Variants in DGKH observed in about 807,000 individuals in gnomAD.
DGKH encodes the protein DAG kinase eta.
DGKH carries 90 observed loss-of-function variants against 159.3 expected under a neutral mutation model. That is an observed-to-expected ratio of 0.57 (90% CI 0.48 to 0.67). The LOEUF (loss-of-function observed/expected upper bound fraction) is 0.67, where lower values mean the gene tolerates loss of function less well. DGKH is among the 30% of genes least tolerant of loss of function. The probability of loss-of-function intolerance (pLI) is 0.00; values close to 1 mark genes in which losing one functional copy is unlikely to be tolerated. For synonymous variants in DGKH, 536 were observed against 553.8 expected, an observed-to-expected ratio of 0.97 and a Z score of 0.45; for missense variants, 1,181 against 1,506.1, an observed-to-expected ratio of 0.78 and a Z score of 3.57.
intron 13 of DGKH, among the ~76,000 whole-genome samples, chr13:42,185,999 G>A (rs1266295940): frequency 2.3e-5 from 2 of 85,528 alleles, no homozygotes; most frequent in Non-Finnish European, 5.2e-5. Flanking sequence ...GGGAGGAGTG[G>A]TGGTGGTGGT....
intron 3 of DGKH, among the ~76,000 whole-genome samples, chr13:42,149,491 A>G (rs144474970): frequency 1.1e-4 from 16 of 152,302 alleles, no homozygotes; most frequent in African/African-American, 3.8e-4. Context: ...TGGGTATTTC[A>G]TTTCTGTTTC....
chr13:42,244,451 G>A (rs149423345), downstream of DGKH, among the ~76,000 whole-genome samples: 1 of 152,296 alleles, frequency 6.6e-6, no homozygotes, highest in African/African-American at 2.4e-5. Flanking sequence ...AAACAGAAAG[G>A]GCAAGTCCTC....
At chr13:42,171,082 A>G (rs190352853) in intron 11 of DGKH, among the ~76,000 whole-genome samples, 69 of 152,320 alleles carry the variant, frequency 4.5e-4, no homozygotes, top group African/African-American at 1.5e-3. Context: ...CAAAGATGAA[A>G]ATGTAGTTTT....
intron 1 of DGKH, among the ~76,000 whole-genome samples, chr13:42,082,279 G>A (rs1354790534): frequency 1.3e-5 from 2 of 151,858 alleles, no homozygotes; most frequent in African/African-American, 4.8e-5. Context: ...TATTAAAGAA[G>A]GGAAAACATC....
chr13:42,173,946 T>C, intron 11 of DGKH, 114 bp from the exon 12 acceptor site: 1 of 595,288 alleles, frequency 1.7e-6, no homozygotes, highest in Admixed American at 3.1e-5. Context: ...CATGAATGTG[T>C]GTGTGTGTGT....
At chr13:42,126,790 G>A (rs1344164974) in intron 1 of DGKH, among the ~76,000 whole-genome samples, 1 of 152,054 alleles carries the variant, frequency 6.6e-6, no homozygotes, top group Non-Finnish European at 1.5e-5. Flanking sequence ...GACCCACCTT[G>A]GGCCCTTGTC....
intron 13 of DGKH, among the ~76,000 whole-genome samples, chr13:42,185,532 A>G (rs187471932): frequency 9.2e-5 from 14 of 152,214 alleles, no homozygotes; most frequent in Admixed American, 2.6e-4. Flanking sequence ...TAATGATATG[A>G]CATATGCAGT....
At chr13:42,073,929 G>A (rs983238176) in intron 1 of DGKH, among the ~76,000 whole-genome samples, 10 of 152,250 alleles carry the variant, frequency 6.6e-5, no homozygotes, top group African/African-American at 2.4e-4. Flanking sequence ...CTGCACAATG[G>A]CTTTGGCATT....
At chr13:42,161,204 A>T (rs929413183) in intron 7 of DGKH, among the ~76,000 whole-genome samples, 7 of 152,222 alleles carry the variant, frequency 4.6e-5, no homozygotes, top group Non-Finnish European at 8.8e-5. Context: ...CTACCCATAA[A>T]CAAGATTTTA....
intron 1 of DGKH, among the ~76,000 whole-genome samples, chr13:42,104,278 C>A (rs1047665784): frequency 6.6e-6 from 1 of 152,192 alleles, no homozygotes; most frequent in Non-Finnish European, 1.5e-5. Context: ...TTTCTCCCCC[C>A]CAGGGAATTG....
In DGKH at chr13:42,237,969, A is replaced by G. The variant is rs923564030; in HGVS notation, c.*8781A>G. 2 of 152,232 alleles carry G rather than the reference A, an allele frequency of 1.3e-5. No homozygotes were observed. Among genetic ancestry groups the G allele is most frequent in the Non-Finnish European group, 2.9e-5 (2 of 68,038 alleles). The allele number at this position is 152,232 out of a possible 1,614,324, so 9.4% of individuals were successfully genotyped here. ...TTCCTTTCACTGAAACAACAAAACA[A>G]TTATTGAAATTCACAATACCTAGAG... is the stretch of plus-strand genomic sequence containing the variant. On this transcript the variant is annotated 3_prime_UTR_variant, in exon 30 of 30. Transcript: ENST00000337343.
chr13:42,118,134 A>G (rs964694636), intron 1 of DGKH, among the ~76,000 whole-genome samples: 3 of 152,090 alleles, frequency 2.0e-5, no homozygotes, highest in South Asian at 2.1e-4. Flanking sequence ...GGAGAATGGC[A>G]TGAACCCGGG....
chr13:42,165,413 T>A lies in DGKH; in HGVS notation c.938T>A (p.Leu313Gln). The A allele has an allele frequency of 6.3e-7, 1 of 1,577,224 alleles. No homozygotes were observed. Among genetic ancestry groups the A allele is most frequent in the South Asian group, 1.2e-5 (1 of 85,046 alleles). The part of the protein sequence containing the change: ...CKVSIIPPIA[L>Q]NSTDSDGFCR... ...GTATCTATCATACCTCCAATTGCAC[T>A]AAACAGCACCGATTCCGATGGTATG... Residue 313 changes from leucine (L) to glutamine (Q), a missense_variant, in exon 8 of 30, where the codon CTA (leucine) becomes CAA (glutamine). Around this residue, in one of 5 missense-constraint regions of DGKH, gnomAD observed 369 missense variants for 519.4 expected, o/e 0.71. Coordinates refer to ENST00000337343, the MANE Select transcript of DGKH (RefSeq NM_178009.5).
chr13:42,233,601 G>A lies in DGKH; in HGVS notation c.*4413G>A, dbSNP rs1447126354. ...TTCTCAATCCTTATTCCTAATTCTG[G>A]TTCTAGATGAGCCCTACCTACCCAG... On this transcript the variant is annotated 3_prime_UTR_variant, in exon 30 of 30. Transcript: ENST00000337343. The A allele has an allele frequency of 6.6e-6, 1 of 152,030 alleles. No individual in the cohort carries two copies. The highest frequency in any genetic ancestry group is 1.5e-5 in the Non-Finnish European group (1 of 68,030). 9.4% of individuals were successfully genotyped at this position (152,030 alleles called of 1,614,324 possible).
chr13:42,194,965 G>A lies in DGKH; in HGVS notation c.2116G>A (p.Ala706Thr), dbSNP rs1357828129. Reference sequence around the variant, plus strand: ...TGATTCTGTCCCTGGTCCAGCTGTGGCAGCCAGCAAAGAAAACCTCCCTGT... The same window carrying A: ...TGATTCTGTCCCTGGTCCAGCTGTGACAGCCAGCAAAGAAAACCTCCCTGT... The part of the protein sequence containing the change: ...QTDSVPGPAV[A>T]ASKENLPVLN... Residue 706 changes from alanine (A) to threonine (T), a missense_variant, in exon 17 of 30, where the codon GCA becomes ACA. Physicochemically the swap from Ala to Thr is moderately conservative, Grantham distance 58. This residue lies in a region of DGKH where 257 missense variants were observed against 281.5 expected (regional missense o/e 0.91). Coordinates refer to ENST00000337343, the MANE Select transcript of DGKH (RefSeq NM_178009.5). The A allele has an allele frequency of 3.1e-6, 5 of 1,614,038 alleles. No individual in the cohort carries two copies. In the Admixed American group the frequency reaches 6.7e-5, roughly 22 times the overall value.
chr13:42,174,638 T>C (rs1043665625), intron 12 of DGKH, among the ~76,000 whole-genome samples: 1 of 152,254 alleles, frequency 6.6e-6, no homozygotes, highest in Non-Finnish European at 1.5e-5. Context: ...TATCCAAACA[T>C]ACCAATACTC....
intron 11 of DGKH, among the ~76,000 whole-genome samples, chr13:42,170,464 T>C (rs1378934023): frequency 1.3e-5 from 2 of 152,074 alleles, no homozygotes; most frequent in African/African-American, 4.8e-5. Context: ...CTTCTCCAGG[T>C]GGTTAGCCAA....
chr13:42,207,396 G>T (rs1957533567), intron 21 of DGKH, among the ~76,000 whole-genome samples: 1 of 151,320 alleles, frequency 6.6e-6, no homozygotes, highest in South Asian at 2.1e-4. Flanking sequence ...TCACCATGTT[G>T]GCCAGGGTGG....
chr13:42,067,977 A>AT (rs779907328), intron 1 of DGKH, among the ~76,000 whole-genome samples: 8 of 152,122 alleles, frequency 5.3e-5, no homozygotes, highest in East Asian at 3.8e-4. Context: ...TCTAACATTC[A>AT]TTTTTTTAAA....
Sources: gnomAD v4.1 joint callset for allele counts (sites outside exome capture counted in the v4.1 genomes callset) on GRCh38, gnomAD v4.1.1 for gene constraint, gnomAD v4.1.1 regional missense constraint, MANE v1.5 for transcripts, NCBI Gene and HGNC (gene_info 2026-07-23, HGNC 2026-07-21) for gene names.